Variants in LMX1A observed in about 807,000 individuals in gnomAD.
LMX1A encodes the protein LIM homeobox transcription factor 1-alpha.
LMX1A carries 15 observed loss-of-function variants against 49.1 expected under a neutral mutation model. That is an observed-to-expected ratio of 0.31 (90% CI 0.20 to 0.47). The LOEUF (loss-of-function observed/expected upper bound fraction) is 0.47, where lower values mean the gene tolerates loss of function less well. LMX1A is among the 20% of genes least tolerant of loss of function. The probability of loss-of-function intolerance (pLI) is 1.00; values close to 1 mark genes in which losing one functional copy is unlikely to be tolerated. For synonymous variants in LMX1A, 167 were observed against 185.7 expected (o/e 0.90, Z 0.82); for missense variants, 372 against 475.8 (o/e 0.78, Z 2.03).
intron 4 of LMX1A, among the ~76,000 whole-genome samples, chr1:165,221,043 G>A (rs544788963): frequency 2.9e-4 from 44 of 152,164 alleles, no homozygotes; most frequent in Middle Eastern, 3.4e-3. Context: ...CCTTGTTATC[G>A]GTTTTTTACA....
chr1:165,301,471 G>A (rs1271408754), intron 3 of LMX1A, among the ~76,000 whole-genome samples: 1 of 152,122 alleles, frequency 6.6e-6, no homozygotes, highest in Non-Finnish European at 1.5e-5. Flanking sequence ...AGAGGACAAG[G>A]AGCTGGGAAA....
chr1:165,307,966 G>A (rs1654968198), intron 3 of LMX1A, among the ~76,000 whole-genome samples: 1 of 152,052 alleles, frequency 6.6e-6, no homozygotes, highest in South Asian at 2.1e-4. Context: ...TTCCTCCTTG[G>A]TTCCATAAAT....
At chr1:165,263,089 C>T (rs1241493119) in intron 3 of LMX1A, among the ~76,000 whole-genome samples, 2 of 152,172 alleles carry the variant, frequency 1.3e-5, no homozygotes, top group African/African-American at 2.4e-5. Flanking sequence ...TCCTCATCTC[C>T]CTGACCATGA....
intron 3 of LMX1A, 27 bp downstream of exon 3, chr1:165,353,049 G>A (rs1342414506): frequency 5.0e-6 from 8 of 1,610,876 alleles, no homozygotes; most frequent in Non-Finnish European, 6.8e-6. Flanking sequence ...AGTGCGCGGG[G>A]AGCGCTGCGG....
chr1:165,231,893 AT>A (rs1652253017), intron 4 of LMX1A, among the ~76,000 whole-genome samples: 1 of 124,002 alleles, frequency 8.1e-6, no homozygotes, highest in Non-Finnish European at 2.0e-5. Context: ...CAAATCTGCG[AT>A]TCCTGGGAAT....
At chr1:165,280,902 G>A (rs754291789) in intron 3 of LMX1A, among the ~76,000 whole-genome samples, 22 of 152,132 alleles carry the variant, frequency 1.4e-4, no homozygotes, top group South Asian at 4.2e-4. Flanking sequence ...TAGGGCCTTC[G>A]TAACAGTCAA....
At position 165,203,950 on chromosome 1, in the gene LMX1A, G is replaced by A. The variant is rs1260607090; in HGVS notation, c.1079C>T (p.Pro360Leu). ...DCFLATSEAG[P>L]LQSRVGNPID... is the part of the protein sequence containing the mutation. ...GGGGTTTCCCACTCTGGACTGCAGAGGCCCAGCTTCTGAGGTTGCTAGGAA... is the reference window on the plus strand; with the variant it reads ...GGGGTTTCCCACTCTGGACTGCAGAAGCCCAGCTTCTGAGGTTGCTAGGAA... The change falls in exon 9 of 9, where the codon CCT (proline) becomes CTT (leucine). Residue 360 changes from proline (P) to leucine (L), a missense_variant. Physicochemically the swap from Pro to Leu is moderately conservative, Grantham distance 98. Transcript: ENST00000342310. 1 of 1,614,048 alleles carries A rather than the reference G, an allele frequency of 6.2e-7. No individual in the cohort carries two copies. The highest frequency in any genetic ancestry group is 8.5e-7 in the Non-Finnish European group (1 of 1,179,928).
At chr1:165,290,209 C>T (rs1366589973) in intron 3 of LMX1A, among the ~76,000 whole-genome samples, 1 of 152,218 alleles carries the variant, frequency 6.6e-6, no homozygotes, top group African/African-American at 2.4e-5. Flanking sequence ...AATTACCTGA[C>T]AATTGGTGGC....
intron 3 of LMX1A, among the ~76,000 whole-genome samples, chr1:165,300,062 G>A (rs1654732064): frequency 6.6e-6 from 1 of 152,096 alleles, no homozygotes; most frequent in South Asian, 2.1e-4. Context: ...ACCCTTTTGG[G>A]AAGAGTCAGT....
chr1:165,318,793 C>A (rs2101741326), intron 3 of LMX1A, among the ~76,000 whole-genome samples: 1 of 152,200 alleles, frequency 6.6e-6, no homozygotes, highest in African/African-American at 2.4e-5. Context: ...GACCTATGTG[C>A]TAAAGAGATG....
intron 2 of LMX1A, among the ~76,000 whole-genome samples, chr1:165,353,958 T>C (rs1328682312): frequency 6.6e-6 from 1 of 152,180 alleles, no homozygotes; most frequent in Non-Finnish European, 1.5e-5. Flanking sequence ...GGATTCCCGA[T>C]GCCAGGCGCG....
chr1:165,341,442 G>A (rs565042824), intron 3 of LMX1A, among the ~76,000 whole-genome samples: 5 of 152,218 alleles, frequency 3.3e-5, no homozygotes, highest in South Asian at 2.1e-4. Context: ...AGCAAGTCAC[G>A]TAATTAATTT....
intron 7 of LMX1A, among the ~76,000 whole-genome samples, chr1:165,207,820 C>T (rs1281215541): frequency 1.3e-5 from 2 of 152,312 alleles, no homozygotes; most frequent in East Asian, 1.9e-4. Flanking sequence ...CAGGCCTGGA[C>T]GCTGTGGATA....
At chr1:165,225,382 T>C (rs1310305599) in intron 4 of LMX1A, among the ~76,000 whole-genome samples, 1 of 152,230 alleles carries the variant, frequency 6.6e-6, no homozygotes, top group Non-Finnish European at 1.5e-5. Flanking sequence ...ACTACAATCA[T>C]TCGGAAATTA....
chr1:165,320,145 T>C (rs755356483), intron 3 of LMX1A, among the ~76,000 whole-genome samples: 32 of 152,214 alleles, frequency 2.1e-4, no homozygotes, highest in Non-Finnish European at 4.0e-4. Context: ...AAAATTGGGA[T>C]CTTTTGATAA....
chr1:165,224,539 T>G (rs957983593), intron 4 of LMX1A, among the ~76,000 whole-genome samples: 1 of 152,184 alleles, frequency 6.6e-6, no homozygotes, highest in Non-Finnish European at 1.5e-5. Context: ...CATTATAATT[T>G]TGTGTGTCTT....
intron 4 of LMX1A, among the ~76,000 whole-genome samples, chr1:165,240,632 C>T (rs1196920499): frequency 6.6e-6 from 1 of 152,158 alleles, no homozygotes; most frequent in African/African-American, 2.4e-5. Context: ...CCTGGAAGGA[C>T]ATAAATAGAT....
In LMX1A at chr1:165,249,566, C is replaced by T. The variant is rs1305281263; in HGVS notation, c.338G>A (p.Ser113Asn). 6.2e-7 allele frequency: 1 copy of T among 1,614,184 alleles called. No individual in the cohort carries two copies. The highest frequency in any genetic ancestry group is 8.5e-7 in the Non-Finnish European group (1 of 1,180,026). ...GCAGAAGCAGCTCAGGTGGTATACA[C>T]TCTTCTGGGCCCGCATAACAAACTC... ...PNEFVMRAQKSVYHLSCFCCC... is the reference protein window; with the variant it reads ...PNEFVMRAQKNVYHLSCFCCC... Residue 113 changes from serine to asparagine, a missense_variant, in exon 4 of 9, where the codon AGT (serine) becomes AAT (asparagine). Around this residue, in one of 3 missense-constraint regions of LMX1A, gnomAD observed 199 missense variants for 244.0 expected, o/e 0.82. Coordinates refer to ENST00000342310, the MANE Select transcript of LMX1A (RefSeq NM_177398.4).
Position 165,313,471 on chromosome 1 carries a change from C to CTTTTTTTTTTTTTTTTTTTT in LMX1A, c.263+39585_263+39604dup, listed in dbSNP as rs34912339. 8.9e-4 allele frequency among the ~76,000 whole-genome samples: 102 copies of CTTTTTTTTTTTTTTTTTTTT among 114,728 alleles called. 1 individual carries two copies. Among genetic ancestry groups the CTTTTTTTTTTTTTTTTTTTT allele is most frequent in the Middle Eastern group, 5.4e-3 (1 of 186 alleles). The allele number at this position is 114,728 out of a possible 152,430, so 75.3% of individuals were successfully genotyped here. A position where few individuals can be genotyped will look rare whatever the true frequency, so the allele number is the denominator to read the frequency against. ...ATACTTAGTCACACACACCTTCTTC[C>CTTTTTTTTTTTTTTTTTTTT]TTTTTTTTTTTTTTTTTTTTTGTTG... On this transcript the variant is annotated intron_variant, in intron 3 of 8. Coordinates refer to ENST00000342310, the MANE Select transcript of LMX1A (RefSeq NM_177398.4).
Sources: allele counts gnomAD v4.1 joint callset (sites outside exome capture counted in the v4.1 genomes callset), GRCh38; gene constraint gnomAD v4.1.1; regional missense constraint gnomAD v4.1.1; transcripts MANE v1.5; gene names NCBI Gene and HGNC (gene_info 2026-07-23, HGNC 2026-07-21).